Variants in DIP2C observed in about 807,000 individuals in gnomAD.
The protein encoded by DIP2C is DIP2 acetate--CoA ligase C (putative).
In DIP2C, 33 loss-of-function variants were observed where a neutral mutation model predicts 192.4. That is an observed-to-expected ratio of 0.17 (90% confidence interval 0.13 to 0.23). The LOEUF is 0.23. Among genes scored for constraint, DIP2C ranks in the 10% least tolerant of loss-of-function variants. DIP2C has a pLI of 1.00. For missense variants in DIP2C, 1,537 were observed against 2,110.1 expected, an observed-to-expected ratio of 0.73 and a Z score of 5.32; for synonymous variants, 979 against 864.1, an observed-to-expected ratio of 1.13 and a Z score of -2.33.
intron 3 of DIP2C, among the ~76,000 whole-genome samples, chr10:456,984 T>C (rs1169660639): frequency 6.6e-6 from 1 of 152,226 alleles, no homozygotes; most frequent in African/African-American, 2.4e-5. Context: ...ACTTCATTTC[T>C]CTTACAGTGT....
rs749193601 is a variant in DIP2C, at chr10:366,343, A to T, written c.2200T>A (p.Cys734Ser). The part of the protein sequence containing the change: ...LCRTDEIGEL[C>S]VCAVATGTSY... Reference sequence around the variant, plus strand: ...GTGCCCGTCGCAACTGCACACACACACAGCTCCCCGATCTCATCCGTTCTG... The same window carrying T: ...GTGCCCGTCGCAACTGCACACACACTCAGCTCCCCGATCTCATCCGTTCTG... The change falls in exon 19 of 37, where the codon TGT becomes AGT. Residue 734 changes from cysteine to serine, a missense_variant. Physicochemically the swap from Cys to Ser is moderately radical, Grantham distance 112 (BLOSUM62 -1). Transcript: ENST00000280886. The T allele has an allele frequency of 6.2e-7, 1 of 1,614,158 alleles. No homozygotes were observed. Among genetic ancestry groups the T allele is most frequent in the Non-Finnish European group, 8.5e-7 (1 of 1,180,022 alleles).
intron 31 of DIP2C, among the ~76,000 whole-genome samples, chr10:319,037 C>T (rs1048051493): frequency 5.3e-5 from 8 of 152,044 alleles, no homozygotes; most frequent in African/African-American, 1.4e-4. Context: ...CTCAGCCTCC[C>T]GAGTAGCTGG....
At chr10:569,625 C>T (rs917982254) in intron 1 of DIP2C, among the ~76,000 whole-genome samples, 4 of 152,030 alleles carry the variant, frequency 2.6e-5, no homozygotes, top group Non-Finnish European at 4.4e-5. Context: ...AAAAACAAAA[C>T]AAATACCACT....
intron 1 of DIP2C, among the ~76,000 whole-genome samples, chr10:537,696 G>A (rs1173574291): frequency 6.6e-6 from 1 of 152,150 alleles, no homozygotes; most frequent in Non-Finnish European, 1.5e-5. Flanking sequence ...GACACAGGCT[G>A]GTAAGTCAAC....
At chr10:310,182 A>G in intron 31 of DIP2C, 90 bp from the exon 32 acceptor site, 1 of 1,260,742 alleles carries the variant, frequency 7.9e-7, no homozygotes, top group South Asian at 1.3e-5. Flanking sequence ...TTTCTTTTGT[A>G]AAATCTTAAA....
intron 1 of DIP2C, chr10:665,865 C>G (rs555298382): frequency 6.6e-6 from 1 of 152,224 alleles, no homozygotes; most frequent in East Asian, 1.9e-4. Context: ...AAATCTTACA[C>G]TGAATTCACT....
intron 3 of DIP2C, among the ~76,000 whole-genome samples, chr10:454,925 A>G (rs1448583319): frequency 4.6e-5 from 7 of 152,176 alleles, no homozygotes; most frequent in Non-Finnish European, 1.0e-4. Context: ...AATCTTTAGA[A>G]AAACCCATAC....
intron 32 of DIP2C, among the ~76,000 whole-genome samples, chr10:300,086 G>T (rs901790382): frequency 6.6e-6 from 1 of 152,348 alleles, no homozygotes; most frequent in African/African-American, 2.4e-5. Flanking sequence ...TGCAGCGGCT[G>T]TGGAAAACAG....
intron 4 of DIP2C, among the ~76,000 whole-genome samples, chr10:439,853 C>T (rs1967585454): frequency 6.6e-6 from 1 of 152,176 alleles, no homozygotes; most frequent in Non-Finnish European, 1.5e-5. Flanking sequence ...AAAAATTGTA[C>T]ATTTTCAACT....
intron 1 of DIP2C, 116 bp from the exon 2 acceptor site, chr10:486,646 AT>A: frequency 1.2e-6 from 1 of 855,032 alleles, no homozygotes; most frequent in Non-Finnish European, 1.7e-6. Context: ...CATTGTTAGA[AT>A]TTTAAAAGCA....
intron 1 of DIP2C, among the ~76,000 whole-genome samples, chr10:523,855 A>G (rs1846886599): frequency 1.3e-5 from 2 of 152,248 alleles, no homozygotes; most frequent in Admixed American, 6.5e-5. Flanking sequence ...TTACACATAA[A>G]GAACCCTGTG....
chr10:553,978 CTG>C (rs61650977), intron 1 of DIP2C, among the ~76,000 whole-genome samples: 8,140 of 151,720 alleles, frequency 0.054, 259 homozygotes, highest in East Asian at 0.15. Flanking sequence ...ACGCTTGTAA[CTG>C]TAAGAGTGGC....
At chr10:359,182 A>G (rs908700342) in intron 22 of DIP2C, among the ~76,000 whole-genome samples, 2 of 152,162 alleles carry the variant, frequency 1.3e-5, no homozygotes, top group South Asian at 4.1e-4. Flanking sequence ...TCGGCTTCCC[A>G]AAAAGCTCAC....
In DIP2C at chr10:356,917, G is replaced by C. The variant is rs139113764; in HGVS notation, c.2905-411C>G. ...AAGCGGATTTTGGTGGCTACAGTGA[G>C]AGAATCAGATCTATCTGGTTTTAAA... On this transcript the variant is annotated intron_variant, in intron 23 of 36. Coordinates refer to ENST00000280886, the MANE Select transcript of DIP2C (RefSeq NM_014974.3). 2.0e-5 allele frequency among the ~76,000 whole-genome samples: 3 copies of C among 152,336 alleles called. No homozygotes were observed. The East Asian group carries it at 5.8e-4, about 29-fold the overall frequency.
At chr10:419,474 C>T (rs1050020254) in intron 5 of DIP2C, among the ~76,000 whole-genome samples, 12 of 152,204 alleles carry the variant, frequency 7.9e-5, no homozygotes, top group Admixed American at 4.6e-4. Context: ...ACTAGAATAA[C>T]GTTAGACTGG....
chr10:530,643 C>T (rs1202595461), intron 1 of DIP2C, among the ~76,000 whole-genome samples: 1 of 127,426 alleles, frequency 7.8e-6, no homozygotes, highest in Non-Finnish European at 1.6e-5. Context: ...TACAGCAAGA[C>T]CCTATCTCTT....
chr10:483,502 G>A (rs1223947392), intron 2 of DIP2C, among the ~76,000 whole-genome samples: 1 of 152,104 alleles, frequency 6.6e-6, no homozygotes, highest in East Asian at 1.9e-4. Flanking sequence ...TAGCACCGCT[G>A]TCCGGAGTCC....
intron 5 of DIP2C, 109 bp downstream of exon 5, chr10:422,715 C>A (rs1015708884): frequency 3.7e-6 from 5 of 1,350,594 alleles, no homozygotes; most frequent in East Asian, 4.7e-5. Flanking sequence ...CAGAGGAGCT[C>A]TGTGCTCTTT....
intron 1 of DIP2C, among the ~76,000 whole-genome samples, chr10:568,395 A>G (rs1035334790): frequency 1.3e-5 from 2 of 152,138 alleles, no homozygotes; most frequent in African/African-American, 2.4e-5. Flanking sequence ...CCCAAATGAG[A>G]GCAAAAAGAA....
Sources: gnomAD v4.1 joint callset for allele counts (sites outside exome capture counted in the v4.1 genomes callset) on GRCh38, gnomAD v4.1.1 for gene constraint, MANE v1.5 for transcripts, NCBI Gene and HGNC (gene_info 2026-07-23, HGNC 2026-07-21) for gene names.